Variants in CALD1 observed in about 807,000 individuals in gnomAD.
CALD1 encodes caldesmon 1.
Under a neutral mutation model 99.9 loss-of-function variants are expected in CALD1, and 33 were observed. That is an observed-to-expected ratio of 0.33 (90% CI 0.25 to 0.44). The LOEUF (loss-of-function observed/expected upper bound fraction) is 0.44, where lower values mean the gene tolerates loss of function less well. CALD1 is among the 20% of genes least tolerant of loss of function. The pLI, the probability that CALD1 is intolerant of heterozygous loss-of-function variation, is 1.00. For missense variants in CALD1, 861 were observed against 962.1 expected (o/e 0.89, Z 1.39); for synonymous variants, 310 against 325.0 (o/e 0.95, Z 0.50).
chr7:134,817,214 C>A (rs1285698701), intron 1 of CALD1, among the ~76,000 whole-genome samples: 1 of 152,156 alleles, frequency 6.6e-6, no homozygotes, highest in Non-Finnish European at 1.5e-5. Context: ...TTATATTTAA[C>A]AAACAGAATC....
chr7:134,885,887 G>C (rs1801830009), intron 3 of CALD1, among the ~76,000 whole-genome samples: 1 of 151,590 alleles, frequency 6.6e-6, no homozygotes, highest in Non-Finnish European at 1.5e-5. Flanking sequence ...GAATTTTGTA[G>C]ATGTGCACCA....
At chr7:134,728,567 T>G in the CALD1 span, among the ~76,000 whole-genome samples, 2 of 152,224 alleles carry the variant, frequency 1.3e-5, no homozygotes, top group Non-Finnish European at 2.9e-5. Context: ...ACTTAAAATA[T>G]GTAAGGAGGC....
At chr7:134,964,371 A>G (rs539707072) in intron 13 of CALD1, among the ~76,000 whole-genome samples, 19 of 152,152 alleles carry the variant, frequency 1.2e-4, no homozygotes, top group Non-Finnish European at 2.1e-4. Flanking sequence ...CCCCACATGG[A>G]CTGTTAAACT....
intron 1 of CALD1, among the ~76,000 whole-genome samples, chr7:134,762,836 A>G (rs6967313): frequency 0.051 from 7,824 of 152,276 alleles, 643 homozygotes; most frequent in African/African-American, 0.18. Flanking sequence ...ATGAGATTTG[A>G]GCCAGGACAC....
intron 1 of CALD1, among the ~76,000 whole-genome samples, chr7:134,751,510 G>A (rs1002563579): frequency 2.6e-5 from 4 of 152,070 alleles, no homozygotes; most frequent in African/African-American, 7.2e-5. Flanking sequence ...CCCAGACTCT[G>A]GTCAAATATC....
At chr7:134,846,890 G>A (rs1799873381) in intron 2 of CALD1, among the ~76,000 whole-genome samples, 1 of 152,198 alleles carries the variant, frequency 6.6e-6, no homozygotes, top group Non-Finnish European at 1.5e-5. Flanking sequence ...TGACACTTGG[G>A]TCAGTGATTT....
intron 3 of CALD1, among the ~76,000 whole-genome samples, chr7:134,896,566 A>G (rs1347079722): frequency 6.6e-6 from 1 of 152,186 alleles, no homozygotes; most frequent in African/African-American, 2.4e-5. Context: ...GACCTTCTGT[A>G]TATGTGTCTT....
chr7:134,822,012 C>T (rs916796349), intron 1 of CALD1: 2 of 152,082 alleles, frequency 1.3e-5, no homozygotes, highest in Admixed American at 6.6e-5. Flanking sequence ...TTAAAGCATT[C>T]GTTCAATTGT....
chr7:134,793,700 T>G (rs1669810852), intron 1 of CALD1, among the ~76,000 whole-genome samples: 1 of 152,124 alleles, frequency 6.6e-6, no homozygotes, highest in Non-Finnish European at 1.5e-5. Flanking sequence ...TTCCCTAAAA[T>G]GCAGTCCCGA....
chr7:134,776,955 T>C (rs1796923274), upstream of CALD1, among the ~76,000 whole-genome samples: 1 of 152,162 alleles, frequency 6.6e-6, no homozygotes, highest in African/African-American at 2.4e-5. Context: ...TTTATTATGG[T>C]TCGATTAAGT....
At chr7:134,950,072 C>T (rs369479165) in intron 8 of CALD1, among the ~76,000 whole-genome samples, 13 of 152,294 alleles carry the variant, frequency 8.5e-5, no homozygotes, top group African/African-American at 2.2e-4. Context: ...TGAGCCCTCA[C>T]GAAAGCCCTA....
chr7:134,968,198 TAATC>T (rs1188326565), intron 14 of CALD1, 138 bp from the exon 15 acceptor site: 4 of 735,614 alleles, frequency 5.4e-6, no homozygotes, highest in Non-Finnish European at 9.9e-6. Context: ...ATGCCGATAA[TAATC>T]CTCCCTTTCA....
upstream of CALD1, among the ~76,000 whole-genome samples, chr7:134,776,638 C>G (rs1796920813): frequency 6.6e-6 from 1 of 152,058 alleles, no homozygotes; most frequent in Admixed American, 6.5e-5. Flanking sequence ...TTTGATAAAC[C>G]TGGGTGTTGG....
At chr7:134,787,866 A>C (rs1797366951) in intron 1 of CALD1, among the ~76,000 whole-genome samples, 1 of 152,160 alleles carries the variant, frequency 6.6e-6, no homozygotes, top group Non-Finnish European at 1.5e-5. Flanking sequence ...TTGTTACTAT[A>C]TTTGTACCCA....
At chr7:134,800,018 T>C (rs529271140) in intron 1 of CALD1, among the ~76,000 whole-genome samples, 1 of 152,240 alleles carries the variant, frequency 6.6e-6, no homozygotes, top group African/African-American at 2.4e-5. Context: ...AGTTAACCTA[T>C]AGAGGAATAT....
chr7:134,887,364 A>C (rs1801903910), intron 3 of CALD1, among the ~76,000 whole-genome samples: 2 of 152,200 alleles, frequency 1.3e-5, no homozygotes, highest in South Asian at 2.1e-4. Flanking sequence ...CTTTACCTAC[A>C]TTCCTGTTCA....
At chr7:134,720,495 G>A in the CALD1 span, among the ~76,000 whole-genome samples, 4 of 152,128 alleles carry the variant, frequency 2.6e-5, no homozygotes, top group African/African-American at 9.7e-5. Flanking sequence ...GCAGAAATGG[G>A]GAACAAGAGC....
At chr7:134,901,061 A>G (rs1802958508) in intron 3 of CALD1, among the ~76,000 whole-genome samples, 2 of 152,176 alleles carry the variant, frequency 1.3e-5, no homozygotes, top group Admixed American at 1.3e-4. Context: ...ATGTTAAAGG[A>G]AACTTGCTGA....
intron 3 of CALD1, chr7:134,899,972 T>C (rs1417194365): frequency 2.0e-5 from 3 of 152,220 alleles, no homozygotes; most frequent in Non-Finnish European, 4.4e-5. Context: ...TTTAAAGGAA[T>C]GTCTACATTC....
Sources: gnomAD v4.1 joint callset for allele counts (sites outside exome capture counted in the v4.1 genomes callset) on GRCh38, gnomAD v4.1.1 for gene constraint, MANE v1.5 for transcripts, NCBI Gene and HGNC (gene_info 2026-07-23, HGNC 2026-07-21) for gene names.